The following ARMC3 variants were observed in gnomAD, a reference collection of about 807,000 sequenced individuals.
ARMC3 encodes armadillo repeat containing 3, also known as armadillo repeat-containing protein 3.
In ARMC3, 74 loss-of-function variants were observed where a neutral mutation model predicts 90.3. The ratio of observed to expected loss-of-function variants is 0.82; its 90% CI spans 0.68 to 0.99. ARMC3 has a LOEUF of 0.99. Among genes scored for constraint, ARMC3 ranks in the 50% least tolerant of loss-of-function variants. The probability of loss-of-function intolerance (pLI) is 0.00; values close to 1 mark genes in which losing one functional copy is unlikely to be tolerated. For synonymous variants in ARMC3, 334 were observed against 361.8 expected, an observed-to-expected ratio of 0.92 and a Z score of 0.87; for missense variants, 958 against 1,042.8, an observed-to-expected ratio of 0.92 and a Z score of 1.12.
At chr10:22,993,050 G>A (rs1836779616) in intron 10 of ARMC3, among the ~76,000 whole-genome samples, 1 of 152,192 alleles carries the variant, frequency 6.6e-6, no homozygotes, top group Non-Finnish European at 1.5e-5. Flanking sequence ...TAACAAACAA[G>A]GTTCTTATTG....
intron 2 of ARMC3, among the ~76,000 whole-genome samples, chr10:22,934,309 A>G (rs1834036464): frequency 6.6e-6 from 1 of 152,242 alleles, no homozygotes; most frequent in Non-Finnish European, 1.5e-5. Flanking sequence ...CTCATTTGTC[A>G]TAACATTAAT....
rs564417616 is a variant in ARMC3 at position 22,951,086 on chromosome 10, C to T, written c.167-4721C>T. Among the ~76,000 whole-genome samples the T allele has an allele frequency of 2.0e-3, 301 of 151,488 alleles. 1 individual carries two copies. The highest frequency in any genetic ancestry group is 3.9e-3 in the African/African-American group (158 of 40,936). ...CCAAGTAGCTGGGACTACAGGCGCC[C>T]GCCACTACACCCAGCTAATTGTTTG... On this transcript the variant is annotated intron_variant, in intron 3 of 18. Transcript: ENST00000298032.
intron 2 of ARMC3, 42 bp downstream of exon 2, chr10:22,932,086 G>T: frequency 6.6e-7 from 1 of 1,524,260 alleles, no homozygotes; most frequent in Non-Finnish European, 8.9e-7. Flanking sequence ...TTAACAACCA[G>T]TTATAAAAAT....
chr10:22,955,968 C>T (rs1403398984), intron 4 of ARMC3, 36 bp downstream of exon 4: 3 of 1,498,006 alleles, frequency 2.0e-6, no homozygotes, highest in South Asian at 1.2e-5. Context: ...CAAATAATCC[C>T]ATGTTAATGC....
In ARMC3 at chr10:23,037,436, T is replaced by C; in HGVS notation, c.2576T>C (p.Met859Thr). The change falls in exon 19 of 19, where the codon ATG (methionine) becomes ACG (threonine). Residue 859 changes from methionine to threonine, a missense_variant. Coordinates refer to ENST00000298032, the MANE Select transcript of ARMC3 (RefSeq NM_173081.5). ...CTCATGTTCCATCCAGGTGGACTGATGAAGTTGAGAAGTCGAGAGGCTGAT... is the reference window on the plus strand; with the variant it reads ...CTCATGTTCCATCCAGGTGGACTGACGAAGTTGAGAAGTCGAGAGGCTGAT... Reference protein sequence around the residue: ...IDLMFHPGGLMKLRSREADLY... With the variant: ...IDLMFHPGGLTKLRSREADLY... The C allele has an allele frequency of 6.2e-7, 1 of 1,613,890 alleles. No individual in the cohort carries two copies. Among genetic ancestry groups the C allele is most frequent in the Non-Finnish European group, 8.5e-7 (1 of 1,179,930 alleles).
chr10:22,995,016 A>C (rs1365976956), intron 10 of ARMC3, among the ~76,000 whole-genome samples: 1 of 152,246 alleles, frequency 6.6e-6, no homozygotes, highest in Non-Finnish European at 1.5e-5. Context: ...ATATTTTCAA[A>C]TTATTGTGAT....
chr10:22,928,285 AG>A (rs1303102440), intron 1 of ARMC3, among the ~76,000 whole-genome samples, 179 bp downstream of exon 1: 1 of 152,172 alleles, frequency 6.6e-6, no homozygotes, highest in African/African-American at 2.4e-5. Flanking sequence ...GGGTTTCGTA[AG>A]CATCCCGCCA....
rs375091806 is a variant in ARMC3, at chr10:23,012,929, A to G, written c.2045+3998A>G. On this transcript the variant is annotated intron_variant, in intron 16 of 18. Coordinates refer to ENST00000298032, the MANE Select transcript of ARMC3 (RefSeq NM_173081.5). ...TTTTGAGACAGAGTCTCACTCTATC[A>G]CCAGGCTGGAGTGCAATGGTGTGAT... 3.6e-5 allele frequency among the ~76,000 whole-genome samples: 5 copies of G among 139,962 alleles called. No homozygotes were observed. The South Asian group carries it at 6.8e-4, about 19-fold the overall frequency. 91.8% of individuals were successfully genotyped at this position (139,962 alleles called of 152,430 possible).
intron 16 of ARMC3, among the ~76,000 whole-genome samples, chr10:23,011,985 C>T (rs1223099886): frequency 6.6e-6 from 1 of 152,230 alleles, no homozygotes; most frequent in Non-Finnish European, 1.5e-5. Context: ...AGCCACAGGA[C>T]CTTATTGTAC....
At chr10:22,998,511 C>G in intron 11 of ARMC3, 114 bp downstream of exon 11, 1 of 1,364,728 alleles carries the variant, frequency 7.3e-7, no homozygotes, top group Non-Finnish European at 9.8e-7. Flanking sequence ...TCCTTCAAAA[C>G]CGGTAAAACA....
intron 1 of ARMC3, among the ~76,000 whole-genome samples, chr10:22,929,692 C>T (rs969362896): frequency 2.0e-5 from 3 of 152,184 alleles, no homozygotes; most frequent in African/African-American, 7.2e-5. Context: ...GGAATGCAGG[C>T]ACATGCCACC....
At chr10:22,973,658 T>A (rs1419423796) in intron 8 of ARMC3, among the ~76,000 whole-genome samples, 1 of 151,636 alleles carries the variant, frequency 6.6e-6, no homozygotes, top group African/African-American at 2.4e-5. Flanking sequence ...TTATTCTTTT[T>A]TTAGCTATAT....
intron 10 of ARMC3, among the ~76,000 whole-genome samples, chr10:22,996,746 T>C (rs1396973673): frequency 6.6e-6 from 1 of 152,184 alleles, no homozygotes; most frequent in Non-Finnish European, 1.5e-5. Context: ...CTTACACCTA[T>C]GGCTACCAGT....
chr10:22,943,186 A>C (rs1834386965), intron 2 of ARMC3, among the ~76,000 whole-genome samples: 1 of 152,156 alleles, frequency 6.6e-6, no homozygotes, highest in African/African-American at 2.4e-5. Context: ...AAACAGAGTC[A>C]ATTTTGCTTT....
chr10:22,931,014 G>A (rs930761476), intron 1 of ARMC3, among the ~76,000 whole-genome samples: 2 of 151,538 alleles, frequency 1.3e-5, no homozygotes, highest in Non-Finnish European at 2.9e-5. Context: ...TGCAGCCTCC[G>A]CCTCCCGGGT....
chr10:23,026,019 C>T (rs1443910174), intron 16 of ARMC3, among the ~76,000 whole-genome samples: 5 of 152,120 alleles, frequency 3.3e-5, no homozygotes, highest in Admixed American at 3.3e-4. Flanking sequence ...AAACTACAAA[C>T]TACCCGATCT....
chr10:23,030,613 A>C lies in ARMC3; in HGVS notation c.2063A>C (p.Lys688Thr). Residue 688 changes from lysine (K) to threonine (T), a missense_variant, in exon 17 of 19, where the codon AAA (lysine) becomes ACA (threonine). Lys to Thr is a moderately conservative substitution (Grantham distance 78, BLOSUM62 -1). Coordinates refer to ENST00000298032, the MANE Select transcript of ARMC3 (RefSeq NM_173081.5). ...EKGWRKSKGK[K>T]EEEKVKEEEE... ...TTTCAAAGGAAAAGCAAAGGAAAAA[A>C]AGAAGAGGAAAAAGTGAAAGAGGAG... is the stretch of plus-strand genomic sequence containing the variant. The C allele has an allele frequency of 6.2e-7, 1 of 1,613,120 alleles. No individual in the cohort carries two copies. Among genetic ancestry groups the C allele is most frequent in the South Asian group, 1.1e-5 (1 of 90,994 alleles).
intron 10 of ARMC3, among the ~76,000 whole-genome samples, chr10:22,993,748 A>G (rs1836819976): frequency 6.6e-6 from 1 of 152,228 alleles, no homozygotes; most frequent in East Asian, 1.9e-4. Context: ...AGGGACAGGT[A>G]AGCAGAGAGT....
At chr10:23,031,965 A>G (rs924406097) in intron 17 of ARMC3, among the ~76,000 whole-genome samples, 2 of 151,982 alleles carry the variant, frequency 1.3e-5, no homozygotes, top group African/African-American at 4.8e-5. Flanking sequence ...AAAATTCGCA[A>G]TTTGGGCCAG....
Sources: gnomAD v4.1 joint callset for allele counts (sites outside exome capture counted in the v4.1 genomes callset) on GRCh38, gnomAD v4.1.1 for gene constraint, MANE v1.5 for transcripts, NCBI Gene and HGNC (gene_info 2026-07-23, HGNC 2026-07-21) for gene names.